DENND5B: variants seen among roughly 807,000 people sequenced by gnomAD.
DENND5B encodes the protein DENN domain-containing protein 5B.
A neutral mutation model predicts 140.6 loss-of-function variants in DENND5B; 34 were observed. The ratio of observed to expected loss-of-function variants is 0.24; its 90% CI spans 0.18 to 0.32. The LOEUF (loss-of-function observed/expected upper bound fraction) is 0.32. Ranked by LOEUF, DENND5B falls within the 10% of genes least tolerant of loss-of-function variation. The pLI, the probability that DENND5B is intolerant of heterozygous loss-of-function variation, is 1.00. For missense variants in DENND5B, 1,142 were observed against 1,560.2 expected (o/e 0.73, Z 4.52); for synonymous variants, 551 against 562.1 (o/e 0.98, Z 0.28).
intron 12 of DENND5B, 119 bp from the exon 13 acceptor site, chr12:31,413,683 A>G (rs1459841912): frequency 1.2e-5 from 13 of 1,086,486 alleles, no homozygotes; most frequent in Non-Finnish European, 1.6e-5. Flanking sequence ...AGCAATGGAT[A>G]ATATACAATT....
intron 1 of DENND5B, among the ~76,000 whole-genome samples, chr12:31,532,609 T>C (rs915069759): frequency 6.6e-6 from 1 of 152,044 alleles, no homozygotes; most frequent in African/African-American, 2.4e-5. Flanking sequence ...GGGAGAATGA[T>C]AGAGAGAAGC....
intron 1 of DENND5B, among the ~76,000 whole-genome samples, chr12:31,510,885 T>C (rs1182370872): frequency 6.6e-6 from 1 of 152,168 alleles, no homozygotes; most frequent in African/African-American, 2.4e-5. Context: ...AAATTCTGCC[T>C]ACCACACCCC....
At chr12:31,505,384 G>A (rs1263836845) in intron 1 of DENND5B, among the ~76,000 whole-genome samples, 1 of 151,778 alleles carries the variant, frequency 6.6e-6, no homozygotes, top group Non-Finnish European at 1.5e-5. Flanking sequence ...GACTACAGGT[G>A]TGCTACCATG....
chr12:31,569,088 C>T (rs1172306913), intron 1 of DENND5B, among the ~76,000 whole-genome samples: 1 of 95,262 alleles, frequency 1.0e-5, no homozygotes, highest in Non-Finnish European at 2.0e-5. Flanking sequence ...TTTTTTGAGA[C>T]GAGGGTCTTA....
chr12:31,504,652 T>C (rs1947125783), intron 1 of DENND5B, among the ~76,000 whole-genome samples: 1 of 152,142 alleles, frequency 6.6e-6, no homozygotes, highest in Admixed American at 6.6e-5. Context: ...TCCTGCACTA[T>C]CCACTTCCAT....
intron 1 of DENND5B, among the ~76,000 whole-genome samples, chr12:31,574,170 A>G (rs1175336570): frequency 6.7e-6 from 1 of 149,848 alleles, no homozygotes; most frequent in Non-Finnish European, 1.5e-5. Flanking sequence ...GGCTGAGGCA[A>G]GAGAACCACT....
chr12:31,551,874 T>C (rs78941134), intron 1 of DENND5B, among the ~76,000 whole-genome samples: 11,115 of 151,936 alleles, frequency 0.073, 489 homozygotes, highest in African/African-American at 0.2. Context: ...TTGTCTGTTA[T>C]TGGTGTAAAA....
chr12:31,579,027 T>C (rs1043248956), intron 1 of DENND5B, among the ~76,000 whole-genome samples: 1 of 152,246 alleles, frequency 6.6e-6, no homozygotes, highest in Admixed American at 6.5e-5. Flanking sequence ...ACTTCTGACT[T>C]AATAATGCTA....
At chr12:31,415,917 C>A (rs1942714144) in intron 11 of DENND5B, among the ~76,000 whole-genome samples, 1 of 152,036 alleles carries the variant, frequency 6.6e-6, no homozygotes, top group Non-Finnish European at 1.5e-5. Flanking sequence ...CTCACCGCAA[C>A]CTCCACCTCC....
intron 1 of DENND5B, among the ~76,000 whole-genome samples, chr12:31,525,837 A>C (rs1948066664): frequency 1.3e-5 from 2 of 152,096 alleles, no homozygotes; most frequent in African/African-American, 4.8e-5. Context: ...ACAGAAAAAT[A>C]TAAAAATTGG....
chr12:31,514,206 C>T (rs375123677), intron 1 of DENND5B, among the ~76,000 whole-genome samples: 7 of 152,066 alleles, frequency 4.6e-5, no homozygotes, highest in Non-Finnish European at 1.0e-4. Flanking sequence ...TTGGTAATAC[C>T]AGTTTATAAA....
chr12:31,413,216 T>G (rs960680547), intron 13 of DENND5B, among the ~76,000 whole-genome samples: 3 of 152,206 alleles, frequency 2.0e-5, no homozygotes, highest in Non-Finnish European at 2.9e-5. Context: ...CATGCCCAAC[T>G]GCAATCTGGC....
intron 1 of DENND5B, among the ~76,000 whole-genome samples, chr12:31,556,316 C>T (rs184269953): frequency 6.6e-6 from 1 of 152,284 alleles, no homozygotes; most frequent in East Asian, 1.9e-4. Context: ...ACAGTTCTGT[C>T]TCAGCCTCCC....
chr12:31,417,452 C>T (rs1344922618), intron 11 of DENND5B, among the ~76,000 whole-genome samples: 1 of 150,356 alleles, frequency 6.7e-6, no homozygotes, highest in African/African-American at 2.4e-5. Context: ...ACAGTAATTA[C>T]AGCATGCAAA....
chr12:31,538,348 C>G (rs973511323), intron 1 of DENND5B, among the ~76,000 whole-genome samples: 2 of 151,630 alleles, frequency 1.3e-5, no homozygotes, highest in Non-Finnish European at 2.9e-5. Flanking sequence ...AACTAGAGAT[C>G]AATAATAAGT....
chr12:31,447,504 T>TTTTAA (rs781356244), intron 6 of DENND5B, 34 bp downstream of exon 6: 3 of 1,560,894 alleles, frequency 1.9e-6, no homozygotes, highest in African/African-American at 1.4e-5. Flanking sequence ...CGATAATGGA[T>TTTTAA]TTTAATTTAA....
At chr12:31,561,081 G>T (rs1468800895) in intron 1 of DENND5B, among the ~76,000 whole-genome samples, 3 of 152,104 alleles carry the variant, frequency 2.0e-5, no homozygotes, top group Admixed American at 6.6e-5. Context: ...GTTATGTTCA[G>T]GGATTTAAAA....
At chr12:31,573,968 A>T (rs1355742072) in intron 1 of DENND5B, among the ~76,000 whole-genome samples, 1 of 129,422 alleles carries the variant, frequency 7.7e-6, no homozygotes, top group Non-Finnish European at 1.7e-5. Flanking sequence ...TTTATCTCTT[A>T]AAAAAAAAAA....
intron 3 of DENND5B, 84 bp from the exon 4 acceptor site, chr12:31,460,465 GA>G: frequency 7.2e-7 from 1 of 1,384,322 alleles, no homozygotes; most frequent in South Asian, 1.5e-5. Context: ...TGGATCTTAA[GA>G]AAAAAATTTC....
Sources: gnomAD v4.1 joint callset for allele counts (sites outside exome capture counted in the v4.1 genomes callset) on GRCh38, gnomAD v4.1.1 for gene constraint, MANE v1.5 for transcripts, NCBI Gene and HGNC (gene_info 2026-07-23, HGNC 2026-07-21) for gene names.